The following GSG1L variants were observed in gnomAD, a reference collection of about 807,000 sequenced individuals.
GSG1L encodes the protein germ cell-specific gene 1-like protein.
A neutral mutation model predicts 42.1 loss-of-function variants in GSG1L; 24 were observed. The observed-to-expected ratio is 0.57, with a 90% CI of 0.41 to 0.80. The LOEUF is 0.80. GSG1L is among the 30% of genes least tolerant of loss of function. GSG1L has a pLI of 0.00. For synonymous variants in GSG1L, 215 were observed against 203.5 expected (o/e 1.06, Z -0.48); for missense variants, 445 against 472.2 (o/e 0.94, Z 0.53).
In GSG1L at chr16:28,028,065, C is replaced by T. The variant is rs148910607; in HGVS notation, c.349+35011G>A. On this transcript the variant is annotated intron_variant, in intron 1 of 6. Coordinates refer to ENST00000447459, the MANE Select transcript of GSG1L (RefSeq NM_001109763.2). Reference sequence around the variant, plus strand: ...TATGTGCCAGGCATTTGGCTGGTCACGTACATGTGTCATTTCGTGAGTCTT... The same window carrying T: ...TATGTGCCAGGCATTTGGCTGGTCATGTACATGTGTCATTTCGTGAGTCTT... 4.1e-4 allele frequency among the ~76,000 whole-genome samples: 63 copies of T among 152,238 alleles called. No homozygotes were observed. In the East Asian group the frequency reaches 6.4e-3, roughly 15 times the overall value.
rs142705776 is a variant in GSG1L at position 28,007,355 on chromosome 16, T to G, written c.350-44152A>C. ...CCAGACAAGGAGTATAACCGGCATC[T>G]AGAGACTGGAAAAGGCAAGGAAACC... is the stretch of plus-strand genomic sequence containing the variant. On this transcript the variant is annotated intron_variant, in intron 1 of 6. Coordinates refer to ENST00000447459, the MANE Select transcript of GSG1L (RefSeq NM_001109763.2). 1.0e-3 allele frequency among the ~76,000 whole-genome samples: 158 copies of G among 152,204 alleles called. 3 individuals carry two copies. The highest frequency in any genetic ancestry group is 3.7e-3 in the African/African-American group (153 of 41,538).
rs183926055 is a variant in GSG1L, at chr16:28,047,750, A to G, written c.349+15326T>C. Among the ~76,000 whole-genome samples, 783 of 152,370 alleles carry G rather than the reference A, an allele frequency of 5.1e-3. 2 individuals are homozygous for G. The highest frequency in any genetic ancestry group is 8.3e-3 in the Non-Finnish European group (565 of 68,040). ...AAAAGATAAAATCCACAATTCCGCA[A>G]TGAAAATATAACTGTCAAGAATCTT... On this transcript the variant is annotated intron_variant, in intron 1 of 6. Transcript: ENST00000447459.
At chr16:27,952,534 A>G (rs982656778) in intron 2 of GSG1L, among the ~76,000 whole-genome samples, 3 of 152,176 alleles carry the variant, frequency 2.0e-5, no homozygotes, top group Non-Finnish European at 2.9e-5. Context: ...AGTTTGGGGG[A>G]AATGGATGTG....
intron 1 of GSG1L, among the ~76,000 whole-genome samples, chr16:28,060,386 A>C (rs2086327699): frequency 6.6e-6 from 1 of 152,158 alleles, no homozygotes; most frequent in Non-Finnish European, 1.5e-5. Flanking sequence ...GCTGGCTCCG[A>C]TTCCCAAATT....
intron 2 of GSG1L, among the ~76,000 whole-genome samples, chr16:27,895,565 T>A (rs1351312864): frequency 2.0e-5 from 3 of 152,160 alleles, no homozygotes; most frequent in African/African-American, 7.2e-5. Flanking sequence ...CACAATCCCA[T>A]AACTCAATTT....
chr16:27,791,160 C>T lies in GSG1L; in HGVS notation c.*210G>A, dbSNP rs765355793. 2.5e-6 allele frequency: 1 copy of T among 393,730 alleles called. No homozygotes were observed. The highest frequency in any genetic ancestry group is 4.5e-6 in the Non-Finnish European group (1 of 222,884). 24.4% of individuals were successfully genotyped at this position (393,730 alleles called of 1,614,324 possible). A position where few individuals can be genotyped will look rare whatever the true frequency, so the allele number is the denominator to read the frequency against. On this transcript the variant is annotated 3_prime_UTR_variant, in exon 7 of 7. Coordinates refer to ENST00000447459, the MANE Select transcript of GSG1L (RefSeq NM_001109763.2). The stretch of plus-strand genomic sequence containing the variant: ...CTGTCCCAAAGTCACTCTGTGCAGC[C>T]CTGTGCATTCCCTTGGGCCTGCCCT...
chr16:27,860,528 C>G (rs1355747535), intron 3 of GSG1L, among the ~76,000 whole-genome samples: 1 of 152,200 alleles, frequency 6.6e-6, no homozygotes, highest in Non-Finnish European at 1.5e-5. Flanking sequence ...CTCCACCTTC[C>G]CAGAGACAAA....
rs3033625 is a variant in GSG1L at position 27,995,883 on chromosome 16, AACACACAC to A, written c.350-32688_350-32681del. ...CTTAGGAAGTTCCTGTACTGATTAA[AACACACAC>A]ACACACACACACACACACACACACA... On this transcript the variant is annotated intron_variant, in intron 1 of 6. Coordinates refer to ENST00000447459, the MANE Select transcript of GSG1L (RefSeq NM_001109763.2). Among the ~76,000 whole-genome samples the A allele has an allele frequency of 2.6e-3, 371 of 145,322 alleles. 2 individuals carry two copies. The highest frequency in any genetic ancestry group is 8.8e-3 in the African/African-American group (346 of 39,208).
chr16:27,794,317 T>C (rs1344112767), intron 6 of GSG1L, among the ~76,000 whole-genome samples: 1 of 151,588 alleles, frequency 6.6e-6, no homozygotes, highest in East Asian at 1.9e-4. Flanking sequence ...CATGCCCAGC[T>C]GGATCTTCAA....
intron 5 of GSG1L, among the ~76,000 whole-genome samples, chr16:27,828,369 C>T (rs950079097): frequency 6.6e-6 from 1 of 152,202 alleles, no homozygotes; most frequent in African/African-American, 2.4e-5. Flanking sequence ...CATGTAGTTC[C>T]CAACATTGAG....
chr16:28,037,644 A>G (rs139962358), intron 1 of GSG1L, among the ~76,000 whole-genome samples: 6 of 152,338 alleles, frequency 3.9e-5, no homozygotes, highest in African/African-American at 1.2e-4. Context: ...AATAACAACA[A>G]TAGCAGCAGC....
At chr16:27,799,231 A>T (rs1476841146) in intron 6 of GSG1L, among the ~76,000 whole-genome samples, 1 of 142,116 alleles carries the variant, frequency 7.0e-6, no homozygotes, top group Non-Finnish European at 1.6e-5. Flanking sequence ...CCCCATATCT[A>T]CCAAAAAAAA....
intron 1 of GSG1L, among the ~76,000 whole-genome samples, chr16:28,047,906 G>C (rs1374742147): frequency 1.3e-5 from 2 of 152,054 alleles, no homozygotes; most frequent in Non-Finnish European, 2.9e-5. Context: ...GGCAGATAAA[G>C]GGAGTAAAGA....
chr16:27,841,489 G>A (rs2083381050), intron 4 of GSG1L, among the ~76,000 whole-genome samples: 2 of 152,244 alleles, frequency 1.3e-5, no homozygotes, highest in Non-Finnish European at 2.9e-5. Flanking sequence ...CAGGAAGACA[G>A]AGGTGGGTGC....
At chr16:27,937,096 G>C (rs1014891969) in intron 2 of GSG1L, among the ~76,000 whole-genome samples, 21 of 152,194 alleles carry the variant, frequency 1.4e-4, no homozygotes, top group Non-Finnish European at 2.9e-4. Context: ...ACAGCTTTTG[G>C]AAATCTCCTT....
chr16:27,928,396 G>A (rs1038836809), intron 2 of GSG1L, among the ~76,000 whole-genome samples: 7 of 152,112 alleles, frequency 4.6e-5, no homozygotes, highest in Non-Finnish European at 1.0e-4. Flanking sequence ...CAATGTCGCC[G>A]CCTCTGAGCG....
intron 2 of GSG1L, among the ~76,000 whole-genome samples, chr16:27,952,956 T>TG (rs2141097607): frequency 6.6e-6 from 1 of 152,386 alleles, no homozygotes; most frequent in South Asian, 2.1e-4. Flanking sequence ...GGGCAACCGC[T>TG]GACCCAACTT....
At chr16:27,935,833 T>A (rs1402561336) in intron 2 of GSG1L, among the ~76,000 whole-genome samples, 1 of 147,748 alleles carries the variant, frequency 6.8e-6, no homozygotes, top group East Asian at 2.0e-4. Context: ...ATCCTCCTCC[T>A]TGAAATTGCA....
chr16:27,980,932 A>G (rs2085319908), intron 1 of GSG1L, among the ~76,000 whole-genome samples: 1 of 152,074 alleles, frequency 6.6e-6, no homozygotes, highest in African/African-American at 2.4e-5. Flanking sequence ...GAAAGAAAAA[A>G]AGAAACTGAG....
Sources: allele counts gnomAD v4.1 joint callset (sites outside exome capture counted in the v4.1 genomes callset), GRCh38; gene constraint gnomAD v4.1.1; transcripts MANE v1.5; gene names NCBI Gene and HGNC (gene_info 2026-07-23, HGNC 2026-07-21).